The following ZMYM1 variants were observed in gnomAD, a reference collection of about 807,000 sequenced individuals.
ZMYM1 encodes zinc finger MYM-type protein 1.
Under a neutral mutation model 60.0 loss-of-function variants are expected in ZMYM1, and 39 were observed. The observed-to-expected ratio is 0.65, with a 90% CI of 0.50 to 0.85. The LOEUF (loss-of-function observed/expected upper bound fraction) is 0.85. ZMYM1 is among the 40% of genes least tolerant of loss of function. The probability of loss-of-function intolerance (pLI) is 0.00; values close to 1 mark genes in which losing one functional copy is unlikely to be tolerated. For synonymous variants in ZMYM1, 413 were observed against 454.0 expected (o/e 0.91, Z 1.15); for missense variants, 1,171 against 1,309.5 (o/e 0.89, Z 1.63).
intron 4 of ZMYM1, among the ~76,000 whole-genome samples, chr1:35,099,908 C>T (rs1392651920): frequency 2.0e-5 from 3 of 151,722 alleles, no homozygotes; most frequent in African/African-American, 4.8e-5. Flanking sequence ...TTGTCTGAGA[C>T]GGAGTCTCGT....
intron 4 of ZMYM1, among the ~76,000 whole-genome samples, chr1:35,102,829 T>C (rs1268699555): frequency 1.3e-5 from 2 of 152,236 alleles, no homozygotes; most frequent in Non-Finnish European, 1.5e-5. Flanking sequence ...GCTTATGTCC[T>C]GTGTTGTCAC....
At chr1:35,088,685 G>A (rs1245895643) in intron 1 of ZMYM1, among the ~76,000 whole-genome samples, 1 of 150,860 alleles carries the variant, frequency 6.6e-6, no homozygotes, top group Non-Finnish European at 1.5e-5. Context: ...TTACTCTAAT[G>A]TGCATCTTGT....
intron 3 of ZMYM1, among the ~76,000 whole-genome samples, 166 bp downstream of exon 3, chr1:35,096,057 G>A (rs1643297953): frequency 6.6e-6 from 1 of 152,118 alleles, no homozygotes; most frequent in Non-Finnish European, 1.5e-5. Context: ...GCTCACACCT[G>A]TAATCCCAGC....
intron 1 of ZMYM1, among the ~76,000 whole-genome samples, chr1:35,068,930 A>G (rs950423697): frequency 5.9e-5 from 9 of 151,854 alleles, no homozygotes; most frequent in Non-Finnish European, 8.8e-5. Context: ...TCCGCCTCCT[A>G]GGTTCCAGCG....
At chr1:35,068,989 G>C (rs925940959) in intron 1 of ZMYM1, among the ~76,000 whole-genome samples, 4 of 151,852 alleles carry the variant, frequency 2.6e-5, no homozygotes, top group African/African-American at 9.7e-5. Flanking sequence ...GGTGCGCCTG[G>C]CTAATTTTAG....
intron 6 of ZMYM1, among the ~76,000 whole-genome samples, chr1:35,107,610 A>C (rs927659792): frequency 4.6e-5 from 7 of 152,228 alleles, no homozygotes; most frequent in Non-Finnish European, 1.5e-5. Flanking sequence ...ATCATGTGAC[A>C]GTGATAATGG....
At position 35,060,090 on chromosome 1, in the gene ZMYM1, T is replaced by C. The variant is rs554887400; in HGVS notation, c.-301+165T>C. The stretch of plus-strand genomic sequence containing the variant: ...TAGATGGATGAAATAAATGTTGGCC[T>C]TTAAAGTTTACACCCTAGTAGAGAG... On this transcript the variant is annotated intron_variant, in intron 1 of 10. Transcript: ENST00000417119. Among the ~76,000 whole-genome samples the C allele has an allele frequency of 2.0e-5, 3 of 152,014 alleles. No homozygotes were observed. In the East Asian group the frequency reaches 5.8e-4, roughly 29 times the overall value.
downstream of ZMYM1, among the ~76,000 whole-genome samples, chr1:35,117,486 A>AT (rs1315445553): frequency 2.0e-5 from 3 of 151,412 alleles, no homozygotes; most frequent in East Asian, 2.0e-4. Context: ...CGCCTGGCTC[A>AT]TTTTTTTGTA....
chr1:35,103,025 T>C (rs1021951004), intron 4 of ZMYM1, among the ~76,000 whole-genome samples: 1 of 152,354 alleles, frequency 6.6e-6, no homozygotes, highest in East Asian at 1.9e-4. Context: ...ACATGAATAT[T>C]AGCACATTTT....
chr1:35,069,902 C>T (rs1642038473), intron 1 of ZMYM1, among the ~76,000 whole-genome samples: 1 of 152,146 alleles, frequency 6.6e-6, no homozygotes, highest in African/African-American at 2.4e-5. Context: ...GCTGTAGGTG[C>T]ATGACTTTAT....
chr1:35,113,854 T>C lies in ZMYM1; in HGVS notation c.2024T>C (p.Ile675Thr). 1 of 1,613,756 alleles carries C rather than the reference T, an allele frequency of 6.2e-7. No individual in the cohort carries two copies. Among genetic ancestry groups the C allele is most frequent in the African/African-American group, 1.3e-5 (1 of 75,028 alleles). Reference protein sequence around the residue: ...YPQKSSKAILIKERFLGFVDT... With the variant: ...YPQKSSKAILTKERFLGFVDT... ...CAAAAATCATCAAAGGCTATCTTAATTAAGGAAAGATTCTTGGGTTTTGTT... is the reference window on the plus strand; with the variant it reads ...CAAAAATCATCAAAGGCTATCTTAACTAAGGAAAGATTCTTGGGTTTTGTT... Residue 675 changes from isoleucine to threonine, a missense_variant, in exon 10 of 10, where the codon ATT (isoleucine) becomes ACT (threonine). Transcript: ENST00000359858.
downstream of ZMYM1, chr1:35,115,886 T>A (rs543246887): frequency 6.6e-6 from 1 of 152,246 alleles, no homozygotes; most frequent in African/African-American, 2.4e-5. Context: ...AATCTCTTAC[T>A]TTAAAAATGG....
chr1:35,093,596 C>T (rs1362197054), intron 1 of ZMYM1, among the ~76,000 whole-genome samples: 1 of 152,040 alleles, frequency 6.6e-6, no homozygotes, highest in Non-Finnish European at 1.5e-5. Context: ...CGACCCTGGC[C>T]GAAAGCTTTA....
At chr1:35,061,625 A>C (rs1346480570) in intron 1 of ZMYM1, among the ~76,000 whole-genome samples, 1 of 151,164 alleles carries the variant, frequency 6.6e-6, no homozygotes, top group Admixed American at 6.6e-5. Context: ...AAAAACAAAA[A>C]ATTAGCCGGG....
At position 35,086,817 on chromosome 1, in the gene ZMYM1, G is replaced by C. The variant is rs559794447; in HGVS notation, c.-74-7097G>C. On this transcript the variant is annotated intron_variant, in intron 1 of 9. Coordinates refer to ENST00000359858, the MANE Select transcript of ZMYM1 (RefSeq NM_024772.5). Reference sequence around the variant, plus strand: ...CTGCCTCAGCCTCCCGAGTAGCAGGGATTACAGGCGCCCACCACCACGCTT... The same window carrying C: ...CTGCCTCAGCCTCCCGAGTAGCAGGCATTACAGGCGCCCACCACCACGCTT... Among the ~76,000 whole-genome samples the C allele has an allele frequency of 1.1e-4, 16 of 151,498 alleles. No individual in the cohort carries two copies. In the South Asian group the frequency reaches 3.1e-3, roughly 30 times the overall value.
Position 35,073,645 on chromosome 1 carries a change from AAAG to A in ZMYM1, c.-300-5346_-300-5344del, listed in dbSNP as rs1330647358. 2.0e-5 allele frequency among the ~76,000 whole-genome samples: 3 copies of A among 151,406 alleles called. No individual in the cohort carries two copies. In the South Asian group the frequency reaches 6.3e-4, roughly 32 times the overall value. ...AGAAAGGAAATAAAAAAAGAAAAGA[AAAG>A]AAAAAAAGGAAAGGAAAGGAGGAAG... On this transcript the variant is annotated intron_variant, in intron 1 of 10. Transcript: ENST00000417119.
chr1:35,078,537 A>ATTTTTTTTTTTTT (rs751468260), upstream of ZMYM1, among the ~76,000 whole-genome samples: 54 of 82,218 alleles, frequency 6.6e-4, 6 homozygotes, highest in East Asian at 7.2e-3. Context: ...GGTTATTTTA[A>ATTTTTTTTTTTTT]TTTTTTTTTT....
chr1:35,078,537 A>ATTTTTTTTTTTTTTTT (rs751468260), upstream of ZMYM1, among the ~76,000 whole-genome samples: 27 of 82,220 alleles, frequency 3.3e-4, 4 homozygotes, highest in East Asian at 1.8e-3. Flanking sequence ...GGTTATTTTA[A>ATTTTTTTTTTTTTTTT]TTTTTTTTTT....
At chr1:35,117,496 A>G (rs904153384), downstream of ZMYM1, among the ~76,000 whole-genome samples, 4 of 151,204 alleles carry the variant, frequency 2.6e-5, no homozygotes, top group African/African-American at 9.7e-5. Flanking sequence ...ATTTTTTTGT[A>G]TTTTTAGTAG....
Sources: gnomAD v4.1 joint callset for allele counts (sites outside exome capture counted in the v4.1 genomes callset) on GRCh38, gnomAD v4.1.1 for gene constraint, MANE v1.5 for transcripts, NCBI Gene and HGNC (gene_info 2026-07-23, HGNC 2026-07-21) for gene names.